Variants in RANBP2 observed in about 807,000 individuals in gnomAD.
RANBP2 encodes the protein E3 SUMO-protein ligase RanBP2.
Under a neutral mutation model 303.6 loss-of-function variants are expected in RANBP2, and 57 were observed. The observed-to-expected ratio is 0.19, with a 90% CI of 0.15 to 0.23. The LOEUF (loss-of-function observed/expected upper bound fraction) is 0.23, where lower values mean the gene tolerates loss of function less well. RANBP2 is among the 10% of genes least tolerant of loss of function. The pLI is 1.00. For missense variants in RANBP2, 3,138 were observed against 3,780.8 expected (o/e 0.83, Z 4.46); for synonymous variants, 1,167 against 1,301.5 (o/e 0.90, Z 2.23).
the RANBP2 span, among the ~76,000 whole-genome samples, chr2:109,193,473 A>C: frequency 6.6e-6 from 1 of 152,142 alleles, no homozygotes; most frequent in Admixed American, 6.5e-5. Flanking sequence ...GGGTCTCCCT[A>C]TTCTGGGCTT....
At chr2:109,507,206 T>A in the RANBP2 span, among the ~76,000 whole-genome samples, 1 of 152,162 alleles carries the variant, frequency 6.6e-6, no homozygotes, top group Admixed American at 6.5e-5. Context: ...ACGTCTGTGC[T>A]GCCCTGAGAT....
the RANBP2 span, among the ~76,000 whole-genome samples, chr2:109,228,913 C>T: frequency 6.6e-6 from 1 of 152,208 alleles, no homozygotes; most frequent in Non-Finnish European, 1.5e-5. Context: ...CCTCTGCCCT[C>T]TTTGGAGGAT....
At chr2:108,762,077 T>C (rs1170187478) in intron 18 of RANBP2, 24 bp from the exon 19 acceptor site, 12 of 1,596,672 alleles carry the variant, frequency 7.5e-6, no homozygotes, top group African/African-American at 1.3e-5. Flanking sequence ...CAGTGTTTTC[T>C]TTATTTTCTT....
the RANBP2 span, among the ~76,000 whole-genome samples, chr2:109,435,166 G>C: frequency 6.6e-6 from 1 of 152,224 alleles, no homozygotes; most frequent in Non-Finnish European, 1.5e-5. Flanking sequence ...CCTTAGAGAA[G>C]GAACTGCGCC....
chr2:109,497,370 G>A, the RANBP2 span, among the ~76,000 whole-genome samples: 1 of 152,144 alleles, frequency 6.6e-6, no homozygotes, highest in Non-Finnish European at 1.5e-5. Context: ...TGTCAGGGAG[G>A]GAAGCAGACG....
the RANBP2 span, among the ~76,000 whole-genome samples, chr2:109,336,209 C>G: frequency 6.6e-6 from 1 of 152,202 alleles, no homozygotes; most frequent in African/African-American, 2.4e-5. Flanking sequence ...AGCTGGCCTG[C>G]AGGAGAAGGA....
the RANBP2 span, among the ~76,000 whole-genome samples, chr2:109,033,272 C>A: frequency 6.6e-6 from 1 of 152,290 alleles, no homozygotes; most frequent in East Asian, 1.9e-4. Flanking sequence ...CTGATTTCCA[C>A]GACTCCTTTT....
the RANBP2 span, among the ~76,000 whole-genome samples, chr2:109,352,636 G>T: frequency 2.6e-5 from 4 of 152,186 alleles, no homozygotes; most frequent in Non-Finnish European, 1.5e-5. Flanking sequence ...CCCCGCTTGG[G>T]CTACTTTACC....
the RANBP2 span, among the ~76,000 whole-genome samples, chr2:109,198,197 G>A: frequency 6.6e-6 from 1 of 152,186 alleles, no homozygotes; most frequent in African/African-American, 2.4e-5. Flanking sequence ...GAACCCTCAA[G>A]ACATGGCCTG....
chr2:108,770,652 G>T (rs1474721816), intron 20 of RANBP2, among the ~76,000 whole-genome samples: 3 of 152,080 alleles, frequency 2.0e-5, no homozygotes, highest in South Asian at 4.2e-4. Flanking sequence ...AAATTTTCTA[G>T]TAGCCATATT....
the RANBP2 span, among the ~76,000 whole-genome samples, chr2:109,183,914 G>GTGCCCCCA: frequency 6.6e-6 from 1 of 152,198 alleles, no homozygotes; most frequent in African/African-American, 2.4e-5. Flanking sequence ...CCAGAGACCT[G>GTGCCCCCA]TGCCCCCACA....
chr2:109,637,158 G>A, the RANBP2 span, among the ~76,000 whole-genome samples: 3 of 152,204 alleles, frequency 2.0e-5, no homozygotes, highest in Non-Finnish European at 4.4e-5. Flanking sequence ...GACTGGACGT[G>A]CATGTAAGCC....
the RANBP2 span, among the ~76,000 whole-genome samples, chr2:108,994,410 G>T: frequency 2.0e-5 from 3 of 152,278 alleles, no homozygotes; most frequent in Admixed American, 2.0e-4. Context: ...GCTGAGAATG[G>T]CTTTACGAGC....
At chr2:109,599,580 G>A in the RANBP2 span, among the ~76,000 whole-genome samples, 4 of 152,000 alleles carry the variant, frequency 2.6e-5, no homozygotes, top group South Asian at 2.1e-4. Flanking sequence ...TGTCAGTACA[G>A]CAAGGCTTAG....
chr2:108,988,151 G>C, the RANBP2 span, among the ~76,000 whole-genome samples: 3 of 152,204 alleles, frequency 2.0e-5, no homozygotes, highest in African/African-American at 7.2e-5. Context: ...TGCCCTGCTT[G>C]TTGATTTTAA....
At chr2:109,468,076 G>A in the RANBP2 span, among the ~76,000 whole-genome samples, 4 of 152,292 alleles carry the variant, frequency 2.6e-5, no homozygotes, top group East Asian at 7.7e-4. Flanking sequence ...ATCAAAACTA[G>A]CTAGATACGG....
chr2:108,755,530 C>T (rs1244872962), intron 17 of RANBP2, among the ~76,000 whole-genome samples: 1 of 151,934 alleles, frequency 6.6e-6, no homozygotes. Flanking sequence ...GCCAGGACTA[C>T]AGACAGTCAC....
the RANBP2 span, among the ~76,000 whole-genome samples, chr2:109,607,142 C>T: frequency 1.3e-5 from 2 of 152,140 alleles, no homozygotes; most frequent in Admixed American, 6.6e-5. Flanking sequence ...AAAAAGCTTT[C>T]ATTCTACTTA....
chr2:109,115,644 C>A, the RANBP2 span, among the ~76,000 whole-genome samples: 9 of 151,986 alleles, frequency 5.9e-5, no homozygotes, highest in Non-Finnish European at 5.9e-5. Flanking sequence ...AAAGTTAATA[C>A]TGTTATGTGT....
Sources: gnomAD v4.1 joint callset for allele counts (sites outside exome capture counted in the v4.1 genomes callset) on GRCh38, gnomAD v4.1.1 for gene constraint, MANE v1.5 for transcripts, NCBI Gene and HGNC (gene_info 2026-07-23, HGNC 2026-07-21) for gene names.